MSI2: variants seen among roughly 807,000 people sequenced by gnomAD.
MSI2 encodes musashi RNA binding protein 2.
In MSI2, 17 loss-of-function variants were observed where a neutral mutation model predicts 45.6. The ratio of observed to expected loss-of-function variants is 0.37; its 90% CI spans 0.26 to 0.56. The LOEUF (loss-of-function observed/expected upper bound fraction) is 0.56, where lower values mean the gene tolerates loss of function less well. Ranked by LOEUF, MSI2 falls within the 20% of genes least tolerant of loss-of-function variation. The pLI is 0.77. For synonymous variants in MSI2, 156 were observed against 158.2 expected, an observed-to-expected ratio of 0.99 and a Z score of 0.11; for missense variants, 293 against 444.2, an observed-to-expected ratio of 0.66 and a Z score of 3.06.
At chr17:57,295,992 CTTTTTTTTTTTTTTTT>C (rs386386327) in intron 5 of MSI2, among the ~76,000 whole-genome samples, 1,684 of 38,780 alleles carry the variant, frequency 0.043, 68 homozygotes, top group African/African-American at 0.1. Context: ...CGCAGCCTTC[CTTTTTTTTTTTTTTTT>C]TTTTTTTTTT....
At position 57,684,154 on chromosome 17, in the gene MSI2, C is replaced by T. The variant is rs1317683702; in HGVS notation, c.*4637C>T. 1.8e-5 allele frequency: 4 copies of T among 216,610 alleles called. No individual in the cohort carries two copies. Among genetic ancestry groups the T allele is most frequent in the African/African-American group, 4.5e-5 (2 of 44,330 alleles). 13.4% of individuals were successfully genotyped at this position (216,610 alleles called of 1,614,324 possible). On this transcript the variant is annotated 3_prime_UTR_variant, in exon 14 of 14. Coordinates refer to ENST00000284073, the MANE Select transcript of MSI2 (RefSeq NM_138962.4). ...GAGACAAAAGTTCCAGAGCCTCCCT[C>T]GAAGGTTCTCTACTACTGTATTCTG...
At chr17:57,583,484 G>GTTTTTTT (rs2088258122) in intron 7 of MSI2, among the ~76,000 whole-genome samples, 4 of 83,212 alleles carry the variant, frequency 4.8e-5, no homozygotes, top group Admixed American at 1.5e-4. Flanking sequence ...TTCTCCCAAT[G>GTTTTTTT]TTTCTTTTTT....
intron 3 of MSI2, among the ~76,000 whole-genome samples, chr17:57,257,786 C>T (rs564960563): frequency 6.6e-5 from 10 of 151,958 alleles, no homozygotes; most frequent in African/African-American, 2.4e-4. Context: ...ATTTTCCCGT[C>T]GCTTCTTTTT....
At chr17:57,414,603 C>G (rs952714330) in intron 6 of MSI2, among the ~76,000 whole-genome samples, 4 of 152,072 alleles carry the variant, frequency 2.6e-5, no homozygotes, top group African/African-American at 9.7e-5. Context: ...GTTGGCCAGG[C>G]TGGTCTCAAA....
chr17:57,579,762 G>A (rs1335996722), intron 7 of MSI2, among the ~76,000 whole-genome samples: 1 of 152,142 alleles, frequency 6.6e-6, no homozygotes, highest in Non-Finnish European at 1.5e-5. Flanking sequence ...CATCTGATGG[G>A]GGCTAGGAAC....
chr17:57,589,410 A>G (rs555810847), intron 7 of MSI2, among the ~76,000 whole-genome samples: 2 of 152,192 alleles, frequency 1.3e-5, no homozygotes, highest in Non-Finnish European at 2.9e-5. Flanking sequence ...CCTGCCATGC[A>G]TCTGTGCACA....
At chr17:57,584,959 A>T (rs187622402) in intron 7 of MSI2, among the ~76,000 whole-genome samples, 10 of 152,102 alleles carry the variant, frequency 6.6e-5, no homozygotes, top group Non-Finnish European at 1.2e-4. Flanking sequence ...CTGGGATTAC[A>T]GTCATGCGCC....
chr17:57,363,187 A>G (rs115297734), intron 5 of MSI2, among the ~76,000 whole-genome samples: 2,466 of 152,336 alleles, frequency 0.016, 62 homozygotes, highest in African/African-American at 0.056. Flanking sequence ...CTTGAAAAGG[A>G]AGGCAATTCC....
intron 9 of MSI2, among the ~76,000 whole-genome samples, chr17:57,618,545 CTCTT>C (rs980642650): frequency 2.0e-4 from 30 of 152,138 alleles, no homozygotes; most frequent in Non-Finnish European, 3.8e-4. Context: ...CCCTGTCTCT[CTCTT>C]TCTTTTTTTT....
chr17:57,331,170 T>C (rs897586029), intron 5 of MSI2, among the ~76,000 whole-genome samples: 17 of 152,294 alleles, frequency 1.1e-4, no homozygotes, highest in African/African-American at 4.1e-4. Context: ...CGCCTCGGCC[T>C]CCGAAAGTGC....
intron 5 of MSI2, among the ~76,000 whole-genome samples, chr17:57,273,774 C>T (rs1308555801): frequency 2.0e-5 from 3 of 152,182 alleles, no homozygotes; most frequent in Admixed American, 6.5e-5. Flanking sequence ...TAGAAGGTGC[C>T]GTGGAAACAG....
At position 57,257,126 on chromosome 17, in the gene MSI2, C is replaced by A; in HGVS notation, c.91C>A (p.Gln31Lys). 1.5e-6 allele frequency: 2 copies of A among 1,357,998 alleles called. No homozygotes were observed. Among genetic ancestry groups the A allele is most frequent in the Non-Finnish European group, 2.0e-6 (2 of 981,034 alleles). 84.1% of individuals were successfully genotyped at this position (1,357,998 alleles called of 1,614,324 possible). ...GKMFIGGLSW[Q>K]TSPDSLRDYF... ...AATGTTTATCGGTGGACTGAGCTGG[C>A]AGACCTCACCAGGTAAGGGAGGGAG... is the stretch of plus-strand genomic sequence containing the variant. Residue 31 changes from glutamine to lysine, a missense_variant, in exon 2 of 14, where the codon CAG (glutamine) becomes AAG (lysine). Coordinates refer to ENST00000284073, the MANE Select transcript of MSI2 (RefSeq NM_138962.4).
chr17:57,673,490 T>A (rs16942150), intron 11 of MSI2, among the ~76,000 whole-genome samples: 2 of 152,174 alleles, frequency 1.3e-5, no homozygotes, highest in Admixed American at 1.3e-4. Context: ...GAATGTCTGG[T>A]TCTTTAAGAC....
intron 5 of MSI2, among the ~76,000 whole-genome samples, chr17:57,321,257 C>T (rs567237237): frequency 5.3e-5 from 8 of 152,018 alleles, no homozygotes; most frequent in African/African-American, 9.7e-5. Flanking sequence ...CTCCCGCCCG[C>T]GGCTTCCAGG....
intron 7 of MSI2, among the ~76,000 whole-genome samples, chr17:57,587,336 G>A (rs2072848011): frequency 6.6e-6 from 1 of 152,202 alleles, no homozygotes; most frequent in African/African-American, 2.4e-5. Context: ...ACATTTCAAG[G>A]TCAAGGGTTG....
chr17:57,649,409 G>A (rs939726991), intron 10 of MSI2, among the ~76,000 whole-genome samples: 5 of 146,994 alleles, frequency 3.4e-5, no homozygotes, highest in Non-Finnish European at 6.0e-5. Context: ...CCCAACACAT[G>A]TACACAACAC....
chr17:57,360,865 T>G (rs539999478), intron 5 of MSI2, among the ~76,000 whole-genome samples: 182 of 152,374 alleles, frequency 1.2e-3, no homozygotes, highest in African/African-American at 4.1e-3. Flanking sequence ...TAATATTCAT[T>G]CAGCAGAGGC....
chr17:57,320,942 C>T (rs867053243), intron 5 of MSI2, among the ~76,000 whole-genome samples: 8 of 152,044 alleles, frequency 5.3e-5, no homozygotes, highest in African/African-American at 1.4e-4. Context: ...TGCCATGCTG[C>T]CTTCCCTGCA....
At chr17:57,402,727 A>G (rs751308068) in intron 6 of MSI2, among the ~76,000 whole-genome samples, 21 of 152,166 alleles carry the variant, frequency 1.4e-4, no homozygotes, top group Non-Finnish European at 2.2e-4. Flanking sequence ...AGACCGTGCA[A>G]CAAAGAGAAG....
Sources: gnomAD v4.1 joint callset for allele counts (sites outside exome capture counted in the v4.1 genomes callset) on GRCh38, gnomAD v4.1.1 for gene constraint, MANE v1.5 for transcripts, NCBI Gene and HGNC (gene_info 2026-07-23, HGNC 2026-07-21) for gene names.